The following KCNJ10 variants were observed in gnomAD, a reference collection of about 807,000 sequenced individuals.
KCNJ10 encodes potassium inwardly rectifying channel subfamily J member 10.
A neutral mutation model predicts 22.2 loss-of-function variants in KCNJ10; 9 were observed. That is an observed-to-expected ratio of 0.40 (90% CI 0.24 to 0.71). The LOEUF (loss-of-function observed/expected upper bound fraction) is 0.71. KCNJ10 is among the 30% of genes least tolerant of loss of function. KCNJ10 has a pLI of 0.35. For synonymous variants in KCNJ10, 184 were observed against 187.3 expected (o/e 0.98, Z 0.15); for missense variants, 337 against 482.7 (o/e 0.70, Z 2.83).
intron 1 of KCNJ10, 29 bp from the exon 2 acceptor site, chr1:160,042,561 G>A: frequency 1.9e-6 from 3 of 1,605,074 alleles, no homozygotes; most frequent in Non-Finnish European, 1.7e-6. Context: ...CATAATGGAG[G>A]TTATCGTAGA....
intron 1 of KCNJ10, among the ~76,000 whole-genome samples, chr1:160,051,333 G>A (rs1648899667): frequency 6.6e-6 from 1 of 152,060 alleles, no homozygotes; most frequent in Non-Finnish European, 1.5e-5. Context: ...GAGATGGAGG[G>A]GAACTATCAT....
chr1:160,057,284 A>G (rs1279183122), intron 1 of KCNJ10, among the ~76,000 whole-genome samples: 2 of 152,230 alleles, frequency 1.3e-5, no homozygotes, highest in Admixed American at 6.5e-5. Context: ...TTTAATGGCA[A>G]AGCCAGACCC....
At chr1:160,044,379 A>G (rs992445739) in intron 1 of KCNJ10, among the ~76,000 whole-genome samples, 7 of 152,198 alleles carry the variant, frequency 4.6e-5, no homozygotes, top group Admixed American at 2.6e-4. Context: ...TAATAATAAC[A>G]TAACAACCAT....
At chr1:160,043,119 G>A (rs1648650967) in intron 1 of KCNJ10, among the ~76,000 whole-genome samples, 1 of 152,052 alleles carries the variant, frequency 6.6e-6, no homozygotes, top group Non-Finnish European at 1.5e-5. Flanking sequence ...CACATTCCTT[G>A]AAGGTGAGGG....
chr1:160,066,631 C>T (rs1323600023), intron 1 of KCNJ10, among the ~76,000 whole-genome samples: 2 of 152,120 alleles, frequency 1.3e-5, no homozygotes, highest in East Asian at 3.9e-4. Flanking sequence ...AAACCAGGAC[C>T]GAATCCCACA....
intron 1 of KCNJ10, among the ~76,000 whole-genome samples, chr1:160,069,209 C>G (rs1013948035): frequency 6.6e-6 from 1 of 152,218 alleles, no homozygotes; most frequent in Non-Finnish European, 1.5e-5. Context: ...TTCCTGGGTT[C>G]AGCTCTCCTC....
chr1:160,057,632 T>C lies in KCNJ10; in HGVS notation c.-1+12390A>G, dbSNP rs1316132873. On this transcript the variant is annotated intron_variant, in intron 1 of 1. Coordinates refer to ENST00000644903, the MANE Select transcript of KCNJ10 (RefSeq NM_002241.5). ...GAGTATCAGGCAGCTGGCAGCCTTC[T>C]CAAGGCCTAGGATGGCCAGGGCCCT... is the stretch of plus-strand genomic sequence containing the variant. 5.3e-5 allele frequency among the ~76,000 whole-genome samples: 8 copies of C among 152,300 alleles called. No individual in the cohort carries two copies. The East Asian group carries it at 1.3e-3, about 26-fold the overall frequency.
At chr1:160,047,365 G>A (rs775057952) in intron 1 of KCNJ10, among the ~76,000 whole-genome samples, 17 of 152,136 alleles carry the variant, frequency 1.1e-4, no homozygotes, top group Non-Finnish European at 2.4e-4. Context: ...CAGGTACAGG[G>A]GAAAGAGAAA....
At chr1:160,044,288 A>G (rs1314582510) in intron 1 of KCNJ10, among the ~76,000 whole-genome samples, 1 of 152,232 alleles carries the variant, frequency 6.6e-6, no homozygotes, top group South Asian at 2.1e-4. Flanking sequence ...CTTTGGAACA[A>G]AAAGGAAGCT....
intron 1 of KCNJ10, among the ~76,000 whole-genome samples, chr1:160,053,607 AGTGTGT>A (rs58451151): frequency 4.0e-4 from 59 of 148,784 alleles, no homozygotes; most frequent in Middle Eastern, 3.4e-3. Context: ...AAAAGAGGGC[AGTGTGT>A]GTGTGTGTGT....
At chr1:160,045,315 T>C (rs996634795) in intron 1 of KCNJ10, among the ~76,000 whole-genome samples, 1 of 152,198 alleles carries the variant, frequency 6.6e-6, no homozygotes, top group Non-Finnish European at 1.5e-5. Flanking sequence ...TTCAAAACTA[T>C]AGAATGCTAT....
In KCNJ10 at chr1:160,041,937, C is replaced by T. The variant is rs759200795; in HGVS notation, c.596G>A (p.Arg199Gln). The stretch of plus-strand genomic sequence containing the variant: ...GAGGCTTTTGCGCATATTGGCAACT[C>T]GGATCATGAGGCAGGGCTTGCCATT... ...SHNGKPCLMI[R>Q]VANMRKSLLI... Residue 199 changes from arginine to glutamine, a missense_variant, in exon 2 of 2, where the codon CGA becomes CAA. By Grantham distance (43) the Arg-to-Gln change is conservative. Coordinates refer to ENST00000644903, the MANE Select transcript of KCNJ10 (RefSeq NM_002241.5). The surrounding 1 kb of genome is among the most constrained non-coding windows in gnomAD (Gnocchi z 4.4). 3 of 1,612,684 alleles carry T rather than the reference C, an allele frequency of 1.9e-6. No homozygotes were observed. Among genetic ancestry groups the T allele is most frequent in the South Asian group, 1.1e-5 (1 of 90,986 alleles).
At chr1:160,059,257 C>A (rs904842380) in intron 1 of KCNJ10, among the ~76,000 whole-genome samples, 34 of 152,280 alleles carry the variant, frequency 2.2e-4, no homozygotes, top group African/African-American at 7.0e-4. Flanking sequence ...ACAGAGTATT[C>A]ATGCTGGGAA....
Position 160,040,740 on chromosome 1 carries a change from A to G in KCNJ10, c.*653T>C. ...CTCCAATTCTCTGAGAACAGAGGCT[A>G]TGAGGGAACTGGGTATCCTGAGAGT... On this transcript the variant is annotated 3_prime_UTR_variant, in exon 2 of 2. Coordinates refer to ENST00000644903, the MANE Select transcript of KCNJ10 (RefSeq NM_002241.5). 2.5e-6 allele frequency: 1 copy of G among 398,344 alleles called. No homozygotes were observed. The allele number at this position is 398,344 out of a possible 1,614,324, so 24.7% of individuals were successfully genotyped here.
At chr1:160,048,455 T>C (rs532385260) in intron 1 of KCNJ10, among the ~76,000 whole-genome samples, 1 of 152,294 alleles carries the variant, frequency 6.6e-6, no homozygotes, top group East Asian at 1.9e-4. Context: ...CTACAGAGCA[T>C]TGGAGTTGAT....
rs1288297948 is a variant in KCNJ10, at chr1:160,042,157, G to C, written c.376C>G (p.Gln126Glu). The change falls in exon 2 of 2, where the codon CAA (glutamine) becomes GAA (glutamate). Residue 126 changes from glutamine to glutamate, a missense_variant. By Grantham distance (29) the Gln-to-Glu change is conservative. Coordinates refer to ENST00000644903, the MANE Select transcript of KCNJ10 (RefSeq NM_002241.5). Reference protein sequence around the residue: ...TGAFLFSLESQTTIGYGFRYI... With the variant: ...TGAFLFSLESETTIGYGFRYI... ...CGGAAGCCATAGCCAATGGTGGTTTGGGATTCAAGGGAGAAGAGGAAGGCT... is the reference window on the plus strand; with the variant it reads ...CGGAAGCCATAGCCAATGGTGGTTTCGGATTCAAGGGAGAAGAGGAAGGCT... 6.3e-7 allele frequency: 1 copy of C among 1,588,042 alleles called. No individual in the cohort carries two copies. The highest frequency in any genetic ancestry group is 2.2e-5 in the East Asian group (1 of 44,512).
chr1:160,048,606 C>A (rs1447922846), intron 1 of KCNJ10, among the ~76,000 whole-genome samples: 1 of 152,214 alleles, frequency 6.6e-6, no homozygotes, highest in Non-Finnish European at 1.5e-5. Flanking sequence ...CTGAAAGGAG[C>A]TTTGGGATAT....
intron 1 of KCNJ10, among the ~76,000 whole-genome samples, chr1:160,058,248 A>G (rs1008406921): frequency 2.0e-5 from 3 of 152,192 alleles, no homozygotes; most frequent in Admixed American, 6.5e-5. Context: ...TGAAGTTTCA[A>G]CGTTTGGACA....
chr1:160,061,055 T>G (rs1001537566), intron 1 of KCNJ10, among the ~76,000 whole-genome samples: 2 of 152,084 alleles, frequency 1.3e-5, no homozygotes, highest in African/African-American at 4.8e-5. Flanking sequence ...AGAAGCCCAC[T>G]TAAGGCTCCT....
Sources: gnomAD v4.1 joint callset for allele counts (sites outside exome capture counted in the v4.1 genomes callset) on GRCh38, gnomAD v4.1.1 for gene constraint, Gnocchi (gnomAD v3.1) non-coding constraint, MANE v1.5 for transcripts, NCBI Gene and HGNC (gene_info 2026-07-23, HGNC 2026-07-21) for gene names.